Variants in RTN4RL1 observed in about 807,000 individuals in gnomAD.
RTN4RL1 encodes reticulon 4 receptor like 1.
A neutral mutation model predicts 25.6 loss-of-function variants in RTN4RL1; 7 were observed. The observed-to-expected ratio is 0.27, with a 90% CI of 0.16 to 0.51. RTN4RL1 has a LOEUF of 0.51. Ranked by LOEUF, RTN4RL1 falls within the 20% of genes least tolerant of loss-of-function variation. The probability of loss-of-function intolerance (pLI) is 0.97; values close to 1 mark genes in which losing one functional copy is unlikely to be tolerated. For synonymous variants in RTN4RL1, 297 were observed against 288.2 expected (o/e 1.03, Z -0.31); for missense variants, 500 against 615.6 (o/e 0.81, Z 1.99).
chr17:1,950,557 T>C (rs1213437903), intron 1 of RTN4RL1, among the ~76,000 whole-genome samples: 1 of 151,614 alleles, frequency 6.6e-6, no homozygotes, highest in African/African-American at 2.4e-5. Flanking sequence ...TGTAAATTGG[T>C]GGGAATGAAG....
At chr17:1,970,317 G>A (rs892803492) in intron 1 of RTN4RL1, among the ~76,000 whole-genome samples, 2 of 152,142 alleles carry the variant, frequency 1.3e-5, no homozygotes, top group East Asian at 1.9e-4. Flanking sequence ...CACTGTGCCT[G>A]GCGAGGATTT....
intron 1 of RTN4RL1, among the ~76,000 whole-genome samples, chr17:1,945,587 G>A (rs1050657915): frequency 1.3e-5 from 2 of 151,966 alleles, no homozygotes; most frequent in African/African-American, 4.8e-5. Context: ...CTGGCCTCAA[G>A]CAATCCTCCC....
chr17:1,979,700 A>G (rs2066858852), intron 1 of RTN4RL1, among the ~76,000 whole-genome samples: 1 of 152,208 alleles, frequency 6.6e-6, no homozygotes, highest in African/African-American at 2.4e-5. Context: ...CCTGCTATTC[A>G]GCAGGGCCAG....
intron 1 of RTN4RL1, among the ~76,000 whole-genome samples, chr17:1,946,913 T>C (rs1470307199): frequency 7.0e-6 from 1 of 142,836 alleles, no homozygotes; most frequent in African/African-American, 2.6e-5. Flanking sequence ...TGTATGCACG[T>C]GTGTCTGTGT....
At chr17:1,982,363 A>T (rs1166722274) in intron 1 of RTN4RL1, among the ~76,000 whole-genome samples, 1 of 152,124 alleles carries the variant, frequency 6.6e-6, no homozygotes, top group East Asian at 1.9e-4. Flanking sequence ...CTGTAATCCC[A>T]GCACTTTGGG....
chr17:1,950,291 G>A (rs575743037), intron 1 of RTN4RL1, among the ~76,000 whole-genome samples: 17 of 152,244 alleles, frequency 1.1e-4, no homozygotes, highest in African/African-American at 3.6e-4. Flanking sequence ...ACACACTGAC[G>A]GATCAGGGTG....
At chr17:2,014,576 A>G (rs1270985429) in intron 1 of RTN4RL1, among the ~76,000 whole-genome samples, 1 of 152,206 alleles carries the variant, frequency 6.6e-6, no homozygotes. Context: ...TCATGCCTGT[A>G]ATCCCAGAGC....
At chr17:1,980,384 T>G (rs2066862073) in intron 1 of RTN4RL1, among the ~76,000 whole-genome samples, 1 of 152,048 alleles carries the variant, frequency 6.6e-6, no homozygotes, top group Non-Finnish European at 1.5e-5. Context: ...TATGTTTTCT[T>G]AAAAAGACAA....
intron 1 of RTN4RL1, among the ~76,000 whole-genome samples, chr17:1,942,409 G>GA (rs1915458425): frequency 6.6e-6 from 1 of 152,060 alleles, no homozygotes; most frequent in Non-Finnish European, 1.5e-5. Flanking sequence ...AGATGGGGGG[G>GA]CTCACTAGGA....
At position 1,935,504 on chromosome 17, in the gene RTN4RL1, C is replaced by T; in HGVS notation, c.*992G>A. 1 of 982,928 alleles carries T rather than the reference C, an allele frequency of 1.0e-6. No individual in the cohort carries two copies. Among genetic ancestry groups the T allele is most frequent in the African/African-American group, 1.7e-5 (1 of 57,240 alleles). The allele number at this position is 982,928 out of a possible 1,614,324, so 60.9% of individuals were successfully genotyped here. A position where few individuals can be genotyped will look rare whatever the true frequency, so the allele number is the denominator to read the frequency against. ...TCCCCCTTCCTCACCGTCCCGCCGA[C>T]ACCTTGCCCCAGGCCCTTGGCAAGG... is the stretch of plus-strand genomic sequence containing the variant. On this transcript the variant is annotated 3_prime_UTR_variant, in exon 2 of 2. Coordinates refer to ENST00000331238, the MANE Select transcript of RTN4RL1 (RefSeq NM_178568.4).
At chr17:1,989,814 CA>C (rs1307006737) in intron 1 of RTN4RL1, among the ~76,000 whole-genome samples, 2 of 151,920 alleles carry the variant, frequency 1.3e-5, no homozygotes, top group African/African-American at 4.8e-5. Flanking sequence ...CCTCATGATC[CA>C]CCAGCCTCAG....
intron 1 of RTN4RL1, among the ~76,000 whole-genome samples, chr17:1,944,130 C>T (rs1597487443): frequency 6.6e-6 from 1 of 152,200 alleles, no homozygotes; most frequent in East Asian, 1.9e-4. Flanking sequence ...TCACTATGTT[C>T]CCCAGGCTGG....
At chr17:1,967,660 A>T (rs1389639736) in intron 1 of RTN4RL1, among the ~76,000 whole-genome samples, 5 of 150,370 alleles carry the variant, frequency 3.3e-5, no homozygotes, top group African/African-American at 7.3e-5. Flanking sequence ...TTTTTTTTTT[A>T]AAACAGAGTC....
At position 1,961,387 on chromosome 17, in the gene RTN4RL1, A is replaced by C. The variant is rs1915891007; in HGVS notation, c.14-23579T>G. 2.0e-5 allele frequency among the ~76,000 whole-genome samples: 3 copies of C among 152,260 alleles called. No individual in the cohort carries two copies. The South Asian group carries it at 6.2e-4, about 32-fold the overall frequency. ...GCATGGGCGGAGGCCTGGAGGCGCG[A>C]GAGAGGGAGACAGCAGTCACGGTAG... On this transcript the variant is annotated intron_variant, in intron 1 of 1. Transcript: ENST00000331238.
intron 1 of RTN4RL1, among the ~76,000 whole-genome samples, chr17:1,944,804 C>T (rs996307521): frequency 6.6e-6 from 1 of 152,140 alleles, no homozygotes; most frequent in South Asian, 2.1e-4. Context: ...GGCCACCACC[C>T]TAGTCTGGGC....
intron 1 of RTN4RL1, among the ~76,000 whole-genome samples, chr17:2,023,333 C>T (rs1166936449): frequency 6.6e-6 from 1 of 152,230 alleles, no homozygotes; most frequent in Non-Finnish European, 1.5e-5. Context: ...TTGTCCCTTT[C>T]TGCAGGGAAA....
chr17:1,972,379 G>A (rs950797501), intron 1 of RTN4RL1, among the ~76,000 whole-genome samples: 43 of 151,214 alleles, frequency 2.8e-4, no homozygotes, highest in African/African-American at 1.0e-3. Context: ...TGCTCCTAGA[G>A]TCCTACTTCC....
At chr17:1,997,506 C>G (rs2066934519) in intron 1 of RTN4RL1, among the ~76,000 whole-genome samples, 1 of 152,236 alleles carries the variant, frequency 6.6e-6, no homozygotes, top group African/African-American at 2.4e-5. Flanking sequence ...CAGGTCTGAA[C>G]TTGTCTGTCT....
At chr17:1,983,327 T>G (rs936707306) in intron 1 of RTN4RL1, among the ~76,000 whole-genome samples, 2 of 152,056 alleles carry the variant, frequency 1.3e-5, no homozygotes. Context: ...ATGACAGGCG[T>G]GAGCCGCCAC....
Sources: gnomAD v4.1 joint callset for allele counts (sites outside exome capture counted in the v4.1 genomes callset) on GRCh38, gnomAD v4.1.1 for gene constraint, MANE v1.5 for transcripts, NCBI Gene and HGNC (gene_info 2026-07-23, HGNC 2026-07-21) for gene names.